Variants in EMCN observed in about 807,000 individuals in gnomAD.
EMCN encodes the protein endomucin.
Under a neutral mutation model 38.4 loss-of-function variants are expected in EMCN, and 37 were observed. That is an observed-to-expected ratio of 0.96 (90% CI 0.74 to 1.27). The LOEUF (loss-of-function observed/expected upper bound fraction) is 1.27. EMCN is among the 50% of genes most tolerant of loss of function. The pLI is 0.00. For missense variants in EMCN, 318 were observed against 302.8 expected (o/e 1.05, Z -0.37); for synonymous variants, 95 against 100.8 (o/e 0.94, Z 0.35).
chr4:100,441,702 A>G (rs1411632082), intron 5 of EMCN, among the ~76,000 whole-genome samples: 2 of 152,168 alleles, frequency 1.3e-5, no homozygotes, highest in Non-Finnish European at 1.5e-5. Flanking sequence ...TGAATCTTCC[A>G]TAAAACACCT....
At chr4:100,506,298 C>G (rs1729477903) in intron 1 of EMCN, among the ~76,000 whole-genome samples, 1 of 152,096 alleles carries the variant, frequency 6.6e-6, no homozygotes, top group African/African-American at 2.4e-5. Context: ...GCCCCCAGAA[C>G]CCTATCTTTT....
intron 5 of EMCN, among the ~76,000 whole-genome samples, chr4:100,440,463 TCC>T (rs1560615688): frequency 6.6e-6 from 1 of 152,120 alleles, no homozygotes; most frequent in Non-Finnish European, 1.5e-5. Flanking sequence ...ATAGCTTAGC[TCC>T]CACTTGTAAG....
At chr4:100,448,036 G>A (rs1057080636) in intron 4 of EMCN, among the ~76,000 whole-genome samples, 11 of 151,942 alleles carry the variant, frequency 7.2e-5, no homozygotes, top group Admixed American at 3.9e-4. Flanking sequence ...AAATCCTTCA[G>A]TAAGTGCTTA....
intron 1 of EMCN, among the ~76,000 whole-genome samples, chr4:100,512,831 CT>C (rs2110312710): frequency 6.6e-6 from 1 of 151,120 alleles, no homozygotes; most frequent in Admixed American, 6.6e-5. Flanking sequence ...AAAATTCCTA[CT>C]CTGACATTCA....
At chr4:100,406,558 G>C (rs1386500837) in intron 11 of EMCN, among the ~76,000 whole-genome samples, 1 of 152,012 alleles carries the variant, frequency 6.6e-6, no homozygotes, top group Non-Finnish European at 1.5e-5. Context: ...AAATCTTCTT[G>C]GTATTGATTT....
chr4:100,442,021 T>C (rs1727534459), intron 5 of EMCN, among the ~76,000 whole-genome samples: 1 of 152,176 alleles, frequency 6.6e-6, no homozygotes, highest in Non-Finnish European at 1.5e-5. Context: ...TAATAGTAAT[T>C]GTCATTTTTT....
At chr4:100,480,287 A>G (rs1728771864) in intron 1 of EMCN, among the ~76,000 whole-genome samples, 1 of 152,074 alleles carries the variant, frequency 6.6e-6, no homozygotes, top group Non-Finnish European at 1.5e-5. Flanking sequence ...TGAGAAAACT[A>G]ATGAGGAATA....
chr4:100,423,129 C>T (rs375298461), intron 6 of EMCN, 49 bp from the exon 7 acceptor site: 137 of 1,556,170 alleles, frequency 8.8e-5, no homozygotes, highest in Non-Finnish European at 1.1e-4. Context: ...TGTGCCAATT[C>T]TTGCAGTCCT....
chr4:100,454,952 A>C (rs983508431), intron 4 of EMCN, among the ~76,000 whole-genome samples: 3 of 152,154 alleles, frequency 2.0e-5, no homozygotes, highest in African/African-American at 7.2e-5. Flanking sequence ...TTTTCTGAAT[A>C]CTGCACATAT....
rs202076034 is a variant in EMCN at position 100,473,009 on chromosome 4, TTA to T, written c.259+2027_259+2028del. ...TATATTCTAGAAGTATATATATATA[TTA>T]TATATATATATTTTTTTTTTTTGAG... On this transcript the variant is annotated intron_variant, in intron 3 of 11. Transcript: ENST00000296420. Among the ~76,000 whole-genome samples the T allele has an allele frequency of 1.0e-4, 10 of 99,368 alleles. No homozygotes were observed. The East Asian group carries it at 2.0e-3, about 20-fold the overall frequency. 65.2% of individuals were successfully genotyped at this position (99,368 alleles called of 152,430 possible). A position where few individuals can be genotyped will look rare whatever the true frequency, so the allele number is the denominator to read the frequency against.
intron 5 of EMCN, among the ~76,000 whole-genome samples, chr4:100,437,497 A>T (rs1489487628): frequency 6.6e-6 from 1 of 151,292 alleles, no homozygotes; most frequent in East Asian, 1.9e-4. Context: ...TGCCCAGCAG[A>T]TTTTCCCCTA....
At chr4:100,461,915 ATC>A (rs1162977968) in intron 4 of EMCN, among the ~76,000 whole-genome samples, 10 of 152,148 alleles carry the variant, frequency 6.6e-5, no homozygotes, top group Admixed American at 5.9e-4. Flanking sequence ...TTTTGTCTCT[ATC>A]TCTCTGTCCT....
At chr4:100,476,824 A>G (rs924533) in intron 2 of EMCN, among the ~76,000 whole-genome samples, 39,456 of 152,134 alleles carry the variant, frequency 0.26, 5,605 homozygotes, top group African/African-American at 0.36. Context: ...AAAATCATGT[A>G]CAAAGATATC....
chr4:100,397,882 A>G lies in EMCN; in HGVS notation c.*531T>C, dbSNP rs1010968393. The G allele has an allele frequency of 5.3e-5, 8 of 152,188 alleles. No homozygotes were observed. Among genetic ancestry groups the G allele is most frequent in the African/African-American group, 1.9e-4 (8 of 41,460 alleles). The allele number at this position is 152,188 out of a possible 1,614,324, so 9.4% of individuals were successfully genotyped here. ...AAAAGTAACACGAAAGCAGGAATAA[A>G]ATACTTATATGTACAAAGTAGCATG... On this transcript the variant is annotated 3_prime_UTR_variant, in exon 12 of 12. Coordinates refer to ENST00000296420, the MANE Select transcript of EMCN (RefSeq NM_016242.4).
chr4:100,419,285 C>G (rs1240297524), intron 8 of EMCN, among the ~76,000 whole-genome samples: 7 of 152,108 alleles, frequency 4.6e-5, no homozygotes, highest in Non-Finnish European at 1.0e-4. Context: ...ATTTCCCAAA[C>G]TAGATAAAGT....
At chr4:100,458,914 T>C (rs1164882226) in intron 4 of EMCN, among the ~76,000 whole-genome samples, 1 of 152,156 alleles carries the variant, frequency 6.6e-6, no homozygotes, top group Non-Finnish European at 1.5e-5. Flanking sequence ...CTCATAAACA[T>C]TTAGCCTTCC....
chr4:100,479,983 T>C lies in EMCN; in HGVS notation c.121A>G (p.Thr41Ala). 1 of 1,607,454 alleles carries C rather than the reference T, an allele frequency of 6.2e-7. No homozygotes were observed. Among genetic ancestry groups the C allele is most frequent in the Non-Finnish European group, 8.5e-7 (1 of 1,178,376 alleles). Residue 41 changes from threonine (T) to alanine (A), a missense_variant, in exon 2 of 12, where the codon ACA becomes GCA. Coordinates refer to ENST00000296420, the MANE Select transcript of EMCN (RefSeq NM_016242.4). ...TGTAATGATTCTGTGTTTGGTGTTG[T>C]TATAGATGGTTTTGTTGTAGTAACA... Reference protein sequence around the residue: ...LVVTTTKPSITTPNTESLQKN... With the variant: ...LVVTTTKPSIATPNTESLQKN...
At chr4:100,515,651 A>T (rs1477355356) in intron 1 of EMCN, among the ~76,000 whole-genome samples, 1 of 152,152 alleles carries the variant, frequency 6.6e-6, no homozygotes, top group Non-Finnish European at 1.5e-5. Flanking sequence ...AATTTAAGGC[A>T]GATGAAATGC....
intron 2 of EMCN, among the ~76,000 whole-genome samples, chr4:100,478,994 A>T (rs1239603640): frequency 2.0e-5 from 3 of 152,174 alleles, no homozygotes; most frequent in African/African-American, 7.2e-5. Context: ...GTTTCATCTT[A>T]TAATCAAACA....
Sources: allele counts gnomAD v4.1 joint callset (sites outside exome capture counted in the v4.1 genomes callset), GRCh38; gene constraint gnomAD v4.1.1; transcripts MANE v1.5; gene names NCBI Gene and HGNC (gene_info 2026-07-23, HGNC 2026-07-21).